The following CCSER1 variants were observed in gnomAD, a reference collection of about 807,000 sequenced individuals.
CCSER1 encodes the protein coiled-coil serine rich protein 1.
Under a neutral mutation model 82.0 loss-of-function variants are expected in CCSER1, and 41 were observed. The observed-to-expected ratio is 0.50, with a 90% CI of 0.39 to 0.65. CCSER1 has a LOEUF of 0.65. Ranked by LOEUF, CCSER1 falls within the 30% of genes least tolerant of loss-of-function variation. The probability of loss-of-function intolerance (pLI) is 0.00; values close to 1 mark genes in which losing one functional copy is unlikely to be tolerated. For synonymous variants in CCSER1, 414 were observed against 383.9 expected (o/e 1.08, Z -0.92); for missense variants, 1,119 against 1,064.2 (o/e 1.05, Z -0.72).
chr4:90,158,650 T>C (rs948264232), intron 1 of CCSER1, among the ~76,000 whole-genome samples: 12 of 152,270 alleles, frequency 7.9e-5, no homozygotes, highest in African/African-American at 2.6e-4. Context: ...TAGCAATCAG[T>C]GAGACTCCGT....
At chr4:90,946,245 G>C (rs546234827) in intron 9 of CCSER1, among the ~76,000 whole-genome samples, 1 of 152,186 alleles carries the variant, frequency 6.6e-6, no homozygotes, top group Admixed American at 6.5e-5. Context: ...AGGTGCTGCT[G>C]TGACAATGTT....
At chr4:90,487,933 C>T (rs780389071) in intron 5 of CCSER1, among the ~76,000 whole-genome samples, 6 of 152,194 alleles carry the variant, frequency 3.9e-5, no homozygotes, top group Non-Finnish European at 5.9e-5. Context: ...AGCCACCGCA[C>T]CTGGCTTAAT....
chr4:90,647,386 G>A (rs1013395055), intron 6 of CCSER1, among the ~76,000 whole-genome samples: 2 of 152,006 alleles, frequency 1.3e-5, no homozygotes, highest in Admixed American at 6.6e-5. Flanking sequence ...CACGTTAACC[G>A]CTTTTACAGG....
At chr4:90,786,035 G>A (rs1035180276) in intron 7 of CCSER1, among the ~76,000 whole-genome samples, 4 of 152,102 alleles carry the variant, frequency 2.6e-5, no homozygotes, top group African/African-American at 9.7e-5. Flanking sequence ...TGGCCTGGTC[G>A]ACTTCAATTC....
intron 1 of CCSER1, among the ~76,000 whole-genome samples, chr4:90,279,263 C>G (rs1435108380): frequency 2.0e-5 from 3 of 151,796 alleles, no homozygotes; most frequent in African/African-American, 7.3e-5. Flanking sequence ...TGGAGTCTTG[C>G]ATTCTGAAAT....
intron 1 of CCSER1, among the ~76,000 whole-genome samples, chr4:90,190,163 C>G (rs1010195275): frequency 6.6e-6 from 1 of 151,904 alleles, no homozygotes; most frequent in Non-Finnish European, 1.5e-5. Context: ...ACTTAGCAGG[C>G]GCATCTAGAA....
intron 9 of CCSER1, among the ~76,000 whole-genome samples, chr4:91,054,108 GGTT>G (rs1381128644): frequency 6.6e-6 from 1 of 152,114 alleles, no homozygotes; most frequent in Non-Finnish European, 1.5e-5. Flanking sequence ...ATATATGAGA[GGTT>G]GCCCTCAGAC....
chr4:90,273,671 G>C (rs1445992244), intron 1 of CCSER1, among the ~76,000 whole-genome samples: 1 of 152,054 alleles, frequency 6.6e-6, no homozygotes, highest in Non-Finnish European at 1.5e-5. Flanking sequence ...ATAAAACTTT[G>C]CCTCTTTATT....
chr4:91,316,264 T>G lies in CCSER1; in HGVS notation c.2217+230270T>G, dbSNP rs72879032. ...ATAACACAGTAATAGTTTTTATATT[T>G]TAGGTTTATGAGGGTCATTTATATT... is the stretch of plus-strand genomic sequence containing the variant. On this transcript the variant is annotated intron_variant, in intron 10 of 10. Coordinates refer to ENST00000509176, the MANE Select transcript of CCSER1 (RefSeq NM_001145065.2). Among the ~76,000 whole-genome samples the G allele has an allele frequency of 7.9e-5, 12 of 151,878 alleles. No individual in the cohort carries two copies. The South Asian group carries it at 8.3e-4, about 10-fold the overall frequency.
chr4:90,163,266 G>A (rs74334730), intron 1 of CCSER1, among the ~76,000 whole-genome samples: 1,551 of 152,144 alleles, frequency 0.01, 15 homozygotes, highest in Non-Finnish European at 0.013. Context: ...AATAAGTGGG[G>A]ATAATAAATG....
intron 9 of CCSER1, among the ~76,000 whole-genome samples, chr4:90,952,130 A>G (rs1243255153): frequency 6.6e-6 from 1 of 152,146 alleles, no homozygotes; most frequent in African/African-American, 2.4e-5. Flanking sequence ...ACAATTAAAT[A>G]CTTTTTCTGT....
intron 9 of CCSER1, among the ~76,000 whole-genome samples, chr4:91,019,500 C>T (rs1428978170): frequency 6.6e-6 from 1 of 152,044 alleles, no homozygotes; most frequent in Non-Finnish European, 1.5e-5. Context: ...TAGTAAACAA[C>T]ATTATCAACT....
At chr4:91,521,097 A>G (rs944852994) in intron 10 of CCSER1, among the ~76,000 whole-genome samples, 1 of 152,020 alleles carries the variant, frequency 6.6e-6, no homozygotes, top group Non-Finnish European at 1.5e-5. Context: ...AGGTGTTCTC[A>G]TTGTTCACTT....
intron 10 of CCSER1, among the ~76,000 whole-genome samples, chr4:91,424,936 T>G (rs1007849004): frequency 6.6e-6 from 1 of 152,092 alleles, no homozygotes; most frequent in Admixed American, 6.6e-5. Context: ...TTAATTGAAT[T>G]AGCTTTTAAT....
chr4:90,942,568 T>C (rs976713054), intron 9 of CCSER1, among the ~76,000 whole-genome samples: 1 of 152,160 alleles, frequency 6.6e-6, no homozygotes, highest in African/African-American at 2.4e-5. Context: ...GAAAGCTGTT[T>C]GCCTCCTTAA....
intron 1 of CCSER1, among the ~76,000 whole-genome samples, chr4:90,255,672 G>A (rs1416076977): frequency 1.3e-5 from 2 of 151,988 alleles, no homozygotes; most frequent in East Asian, 1.9e-4. Flanking sequence ...TAGATATCTA[G>A]CCTTTAAATG....
At position 90,992,530 on chromosome 4, in the gene CCSER1, C is replaced by G. The variant is rs148015388; in HGVS notation, c.2172+69083C>G. ...TTAAAATATGGCTTAGCTAGGTCTT[C>G]TGCTTAGTGTATCACAAGACTGAGA... On this transcript the variant is annotated intron_variant, in intron 9 of 10. Transcript: ENST00000509176. Among the ~76,000 whole-genome samples, 1,309 of 152,034 alleles carry G rather than the reference C, an allele frequency of 8.6e-3. 28 individuals are homozygous for G. Among genetic ancestry groups the G allele is most frequent in the African/African-American group, 0.03 (1,253 of 41,502 alleles).
At chr4:91,529,852 A>G (rs17018584) in intron 10 of CCSER1, among the ~76,000 whole-genome samples, 15,422 of 152,168 alleles carry the variant, frequency 0.1, 852 homozygotes, top group South Asian at 0.21. Flanking sequence ...AACAAGTTGT[A>G]GATATTAACT....
intron 5 of CCSER1, among the ~76,000 whole-genome samples, chr4:90,574,349 A>G (rs1579247329): frequency 2.8e-5 from 4 of 143,952 alleles, no homozygotes; most frequent in African/African-American, 1.1e-4. Context: ...GCTCACTGCA[A>G]GCTCCGCTTC....
Sources: gnomAD v4.1 joint callset for allele counts (sites outside exome capture counted in the v4.1 genomes callset) on GRCh38, gnomAD v4.1.1 for gene constraint, MANE v1.5 for transcripts, NCBI Gene and HGNC (gene_info 2026-07-23, HGNC 2026-07-21) for gene names.